Variants in PDE8B observed in about 807,000 individuals in gnomAD.
The protein encoded by PDE8B is phosphodiesterase 8B.
A neutral mutation model predicts 101.3 loss-of-function variants in PDE8B; 26 were observed. The ratio of observed to expected loss-of-function variants is 0.26; its 90% confidence interval spans 0.19 to 0.36. The LOEUF is 0.36. Among genes scored for constraint, PDE8B ranks in the 10% least tolerant of loss-of-function variants. The probability of loss-of-function intolerance (pLI) is 1.00; values close to 1 mark genes in which losing one functional copy is unlikely to be tolerated. For missense variants in PDE8B, 810 were observed against 1,163.1 expected, an observed-to-expected ratio of 0.70 and a Z score of 4.42; for synonymous variants, 424 against 429.3, an observed-to-expected ratio of 0.99 and a Z score of 0.15.
chr5:77,288,396 G>A (rs531804610), intron 1 of PDE8B, among the ~76,000 whole-genome samples: 3 of 152,250 alleles, frequency 2.0e-5, no homozygotes, highest in South Asian at 2.1e-4. Context: ...CCTTTCTCTC[G>A]CAGATCTTGG....
chr5:77,100,192 A>G, the PDE8B span: 1 of 152,260 alleles, frequency 6.6e-6, no homozygotes, highest in African/African-American at 2.4e-5. Context: ...CAGGGGATCC[A>G]GGCAGGACTC....
chr5:77,107,504 T>C, the PDE8B span, among the ~76,000 whole-genome samples: 2,952 of 152,284 alleles, frequency 0.019, 100 homozygotes, highest in African/African-American at 0.066. Context: ...AATATCTGTG[T>C]CTTTTCTTTA....
the PDE8B span, among the ~76,000 whole-genome samples, chr5:77,179,034 C>T: frequency 6.6e-6 from 1 of 152,182 alleles, no homozygotes; most frequent in Non-Finnish European, 1.5e-5. Context: ...GTCACAAGTT[C>T]CATCCACACT....
At chr5:77,384,732 ATG>A (rs1262823312) in intron 10 of PDE8B, among the ~76,000 whole-genome samples, 1 of 97,608 alleles carries the variant, frequency 1.0e-5, no homozygotes, top group Non-Finnish European at 3.0e-5. Context: ...TGAGGTAATC[ATG>A]TGGTTTTTGT....
At chr5:77,388,083 C>T (rs554742556) in intron 10 of PDE8B, among the ~76,000 whole-genome samples, 28 of 152,190 alleles carry the variant, frequency 1.8e-4, no homozygotes, top group East Asian at 1.4e-3. Context: ...TCTGTCAATT[C>T]GTCAAACTCA....
At chr5:77,169,522 T>G in the PDE8B span, among the ~76,000 whole-genome samples, 2 of 151,916 alleles carry the variant, frequency 1.3e-5, no homozygotes, top group Non-Finnish European at 2.9e-5. Context: ...AAATGGCAAG[T>G]AGGAAGTAGC....
chr5:77,252,649 A>T (rs6453296), intron 1 of PDE8B, among the ~76,000 whole-genome samples: 1 of 152,024 alleles, frequency 6.6e-6, no homozygotes, highest in East Asian at 1.9e-4. Flanking sequence ...TTTTCTGCCC[A>T]TTTCCCTTTT....
At chr5:77,406,777 C>CA (rs138203954) in intron 12 of PDE8B, among the ~76,000 whole-genome samples, 53 of 152,318 alleles carry the variant, frequency 3.5e-4, no homozygotes, top group African/African-American at 1.3e-3. Flanking sequence ...CAAGTATAAA[C>CA]ATTAACTATG....
intron 1 of PDE8B, among the ~76,000 whole-genome samples, chr5:77,239,771 G>A (rs1343037565): frequency 6.6e-6 from 1 of 152,094 alleles, no homozygotes; most frequent in East Asian, 1.9e-4. Flanking sequence ...CTTAGATGAG[G>A]TTAAACACCT....
the PDE8B span, among the ~76,000 whole-genome samples, chr5:77,184,720 C>T: frequency 4.6e-5 from 7 of 152,092 alleles, no homozygotes; most frequent in African/African-American, 1.7e-4. Context: ...TGGCTCACAC[C>T]TATAATCCCA....
rs772985826 is a variant in PDE8B at position 77,309,941 on chromosome 5, A to ACCTTTTTTTTTTTTTTTTTTTTTTTTT, written c.340-2053_340-2052insCCTTTTTTTTTTTTTTTTTTTTTTTTT. On this transcript the variant is annotated intron_variant, in intron 1 of 21. Coordinates refer to ENST00000264917, the MANE Select transcript of PDE8B (RefSeq NM_003719.5). ...AACTGGTTTCCCTTTTTAATCATTA[A>ACCTTTTTTTTTTTTTTTTTTTTTTTTT]TCTTTTTTTTTTTTTTTTTTTTTTT... is the stretch of plus-strand genomic sequence containing the variant. Among the ~76,000 whole-genome samples, 16 of 83,114 alleles carry ACCTTTTTTTTTTTTTTTTTTTTTTTTT rather than the reference A, an allele frequency of 1.9e-4. 7 individuals carry two copies. The highest frequency in any genetic ancestry group is 1.9e-4 in the Non-Finnish European group (9 of 46,544). 54.5% of individuals were successfully genotyped at this position (83,114 alleles called of 152,430 possible).
At chr5:77,334,088 T>G (rs898062711) in intron 5 of PDE8B, among the ~76,000 whole-genome samples, 1 of 152,244 alleles carries the variant, frequency 6.6e-6, no homozygotes, top group African/African-American at 2.4e-5. Context: ...TGGTTCTCCT[T>G]TTTTGGGCAA....
intron 1 of PDE8B, among the ~76,000 whole-genome samples, chr5:77,272,947 A>G (rs575403060): frequency 6.6e-6 from 1 of 152,330 alleles, no homozygotes; most frequent in East Asian, 1.9e-4. Flanking sequence ...TGATATACCT[A>G]TGCATAGAAT....
chr5:77,354,109 A>G (rs1039820609), intron 10 of PDE8B, among the ~76,000 whole-genome samples: 2 of 152,240 alleles, frequency 1.3e-5, no homozygotes, highest in South Asian at 2.1e-4. Context: ...GAGGGACAGT[A>G]TCTCTAAAGG....
At chr5:77,132,634 CCTCTG>C in the PDE8B span, among the ~76,000 whole-genome samples, 5 of 152,204 alleles carry the variant, frequency 3.3e-5, no homozygotes, top group Admixed American at 2.6e-4. Context: ...GCCCTCCATC[CCTCTG>C]CTCCAGACTA....
At position 77,424,812 on chromosome 5, in the gene PDE8B, T is replaced by C. The variant is rs565703196; in HGVS notation, c.2419-955T>C. On this transcript the variant is annotated intron_variant, in intron 20 of 21. Transcript: ENST00000264917. ...TAATTCTCAAGTGAAACTGGTTCTG[T>C]TTTTTTGTTTTTTGTTTTTTGTTTT... 4.7e-5 allele frequency among the ~76,000 whole-genome samples: 5 copies of C among 107,378 alleles called. No individual in the cohort carries two copies. In the East Asian group the frequency reaches 1.1e-3, roughly 24 times the overall value. The allele number at this position is 107,378 out of a possible 152,430, so 70.4% of individuals were successfully genotyped here. A position where few individuals can be genotyped will look rare whatever the true frequency, so the allele number is the denominator to read the frequency against.
At chr5:77,326,390 C>T (rs1776065538) in intron 3 of PDE8B, among the ~76,000 whole-genome samples, 1 of 152,168 alleles carries the variant, frequency 6.6e-6, no homozygotes, top group Non-Finnish European at 1.5e-5. Flanking sequence ...TAATTAAATG[C>T]TAGACCAAGA....
At chr5:77,378,842 A>G (rs1325725374) in intron 10 of PDE8B, among the ~76,000 whole-genome samples, 2 of 152,226 alleles carry the variant, frequency 1.3e-5, no homozygotes, top group Non-Finnish European at 2.9e-5. Flanking sequence ...CAAGCCCTTC[A>G]GGTGATTTTG....
At chr5:77,090,301 A>T in the PDE8B span, among the ~76,000 whole-genome samples, 1 of 151,890 alleles carries the variant, frequency 6.6e-6, no homozygotes, top group African/African-American at 2.4e-5. Context: ...GTGCAGTGGC[A>T]CGATCTCGGC....
Sources: allele counts gnomAD v4.1 joint callset (sites outside exome capture counted in the v4.1 genomes callset), GRCh38; gene constraint gnomAD v4.1.1; transcripts MANE v1.5; gene names NCBI Gene and HGNC (gene_info 2026-07-23, HGNC 2026-07-21).